Variants in CDH13 observed in about 807,000 individuals in gnomAD.
CDH13 encodes the protein cadherin 13.
In CDH13, 24 loss-of-function variants were observed where a neutral mutation model predicts 63.8. That is an observed-to-expected ratio of 0.38 (90% CI 0.27 to 0.53). CDH13 has a LOEUF of 0.53. Among genes scored for constraint, CDH13 ranks in the 20% least tolerant of loss-of-function variants. CDH13 has a pLI of 0.85. For synonymous variants in CDH13, 503 were observed against 355.3 expected, an observed-to-expected ratio of 1.42 and a Z score of -4.67; for missense variants, 1,049 against 903.1, an observed-to-expected ratio of 1.16 and a Z score of -2.07.
At chr16:83,365,586 C>T (rs1439030540) in intron 6 of CDH13, among the ~76,000 whole-genome samples, 1 of 152,130 alleles carries the variant, frequency 6.6e-6, no homozygotes, top group African/African-American at 2.4e-5. Context: ...GCAAAGGAGA[C>T]TTTCTTAGTG....
At chr16:82,712,553 C>T (rs1324752129) in intron 1 of CDH13, among the ~76,000 whole-genome samples, 2 of 152,170 alleles carry the variant, frequency 1.3e-5, no homozygotes, top group African/African-American at 2.4e-5. Context: ...ACCCTGTGCC[C>T]CACCTATCAC....
chr16:82,936,639 A>G (rs182938224), intron 2 of CDH13, among the ~76,000 whole-genome samples: 1 of 152,286 alleles, frequency 6.6e-6, no homozygotes, highest in East Asian at 1.9e-4. Flanking sequence ...ATTTCTAACT[A>G]GTCCCCCGAG....
At chr16:83,160,493 T>C (rs1272662084) in intron 4 of CDH13, among the ~76,000 whole-genome samples, 1 of 152,208 alleles carries the variant, frequency 6.6e-6, no homozygotes, top group Non-Finnish European at 1.5e-5. Flanking sequence ...TCTGCATTTT[T>C]GTGAATGTCA....
chr16:83,508,270 C>T (rs921839352), intron 7 of CDH13: 1 of 154,518 alleles, frequency 6.5e-6, no homozygotes, highest in Non-Finnish European at 1.5e-5. Context: ...TTCAATAACT[C>T]ACTTACTGGG....
At chr16:83,653,444 GTTTT>G (rs34068620) in intron 8 of CDH13, among the ~76,000 whole-genome samples, 1 of 147,874 alleles carries the variant, frequency 6.8e-6, no homozygotes, top group Non-Finnish European at 1.5e-5. Flanking sequence ...ATCACAAGCT[GTTTT>G]TTTTTTTTCC....
At chr16:83,297,442 TA>T (rs1180333358) in intron 5 of CDH13, among the ~76,000 whole-genome samples, 1 of 152,144 alleles carries the variant, frequency 6.6e-6, no homozygotes, top group African/African-American at 2.4e-5. Context: ...AAGGTGTGAA[TA>T]AGGGCAGAAA....
intron 6 of CDH13, among the ~76,000 whole-genome samples, chr16:83,408,477 A>G (rs552710727): frequency 2.0e-5 from 3 of 152,150 alleles, no homozygotes; most frequent in South Asian, 2.1e-4. Flanking sequence ...CTGTTACTCT[A>G]TTGAATACTG....
At chr16:82,813,920 T>C (rs1490941017) in intron 1 of CDH13, among the ~76,000 whole-genome samples, 3 of 152,148 alleles carry the variant, frequency 2.0e-5, no homozygotes, top group Non-Finnish European at 4.4e-5. Context: ...TTATCATCCA[T>C]GCAATAGGGA....
intron 4 of CDH13, among the ~76,000 whole-genome samples, chr16:83,170,504 A>C (rs74350759): frequency 0.056 from 8,468 of 152,108 alleles, 806 homozygotes; most frequent in African/African-American, 0.19. Context: ...TCACCAATAC[A>C]ATTTCCCCCA....
chr16:82,760,578 A>G (rs1422503884), intron 1 of CDH13, among the ~76,000 whole-genome samples: 1 of 152,196 alleles, frequency 6.6e-6, no homozygotes, highest in African/African-American at 2.4e-5. Flanking sequence ...ACTGCATACT[A>G]GGAATCATAC....
chr16:83,768,357 G>C (rs1244484949), intron 11 of CDH13, among the ~76,000 whole-genome samples: 1 of 152,042 alleles, frequency 6.6e-6, no homozygotes, highest in African/African-American at 2.4e-5. Context: ...AATTTAAATA[G>C]ACAAAAAAAC....
At chr16:82,991,828 G>T (rs1013633509) in intron 2 of CDH13, among the ~76,000 whole-genome samples, 1 of 147,832 alleles carries the variant, frequency 6.8e-6, no homozygotes, top group Admixed American at 6.7e-5. Flanking sequence ...GAAGAGGGAA[G>T]GAGAAATTTA....
At chr16:83,435,193 C>A (rs1210845756) in intron 6 of CDH13, among the ~76,000 whole-genome samples, 3 of 151,748 alleles carry the variant, frequency 2.0e-5, no homozygotes, top group Admixed American at 2.0e-4. Context: ...ATTGCAGGAG[C>A]CTGCTACCAT....
At chr16:83,543,508 C>T (rs890444585) in intron 7 of CDH13, among the ~76,000 whole-genome samples, 3 of 152,214 alleles carry the variant, frequency 2.0e-5, no homozygotes, top group African/African-American at 7.2e-5. Context: ...CTCTATTTAG[C>T]AAGTGCTGTG....
intron 1 of CDH13, among the ~76,000 whole-genome samples, chr16:82,778,570 G>GA (rs11350020): frequency 0.13 from 10,793 of 85,620 alleles, 803 homozygotes; most frequent in African/African-American, 0.15. Context: ...ATCACGACCA[G>GA]AAAAAAAAAA....
chr16:83,748,738 G>T (rs921133217), intron 11 of CDH13, among the ~76,000 whole-genome samples: 41 of 152,192 alleles, frequency 2.7e-4, no homozygotes, highest in African/African-American at 8.7e-4. Flanking sequence ...ATTGCTGTTC[G>T]TTCAAAAGAT....
At chr16:82,710,552 A>AAAAAAATATATATATATAT (rs60196638) in intron 1 of CDH13, among the ~76,000 whole-genome samples, 1 of 63,768 alleles carries the variant, frequency 1.6e-5, no homozygotes, top group African/African-American at 5.8e-5. Flanking sequence ...AAAAAAAAAA[A>AAAAAAATATATATATATAT]ATATATATAT....
At chr16:83,504,173 G>A (rs1361324760) in intron 7 of CDH13, among the ~76,000 whole-genome samples, 2 of 152,184 alleles carry the variant, frequency 1.3e-5, no homozygotes, top group Non-Finnish European at 1.5e-5. Flanking sequence ...CATAGCCCAT[G>A]CCAAGGGTAA....
intron 2 of CDH13, among the ~76,000 whole-genome samples, chr16:83,024,943 T>G (rs962386560): frequency 1.3e-5 from 2 of 152,172 alleles, no homozygotes; most frequent in African/African-American, 4.8e-5. Context: ...GCCCCACCCC[T>G]TTAACCCTAG....
Sources: gnomAD v4.1 joint callset for allele counts (sites outside exome capture counted in the v4.1 genomes callset) on GRCh38, gnomAD v4.1.1 for gene constraint, MANE v1.5 for transcripts, NCBI Gene and HGNC (gene_info 2026-07-23, HGNC 2026-07-21) for gene names.